Variants in SF3A2 observed in about 807,000 individuals in gnomAD.
SF3A2 encodes SAP 62.
SF3A2 carries 5 observed loss-of-function variants against 31.1 expected under a neutral mutation model. The ratio of observed to expected loss-of-function variants is 0.16; its 90% CI spans 0.08 to 0.34. The LOEUF is 0.34. Among genes scored for constraint, SF3A2 ranks in the 10% least tolerant of loss-of-function variants. The pLI, the probability that SF3A2 is intolerant of heterozygous loss-of-function variation, is 1.00. For synonymous variants in SF3A2, 365 were observed against 263.7 expected (o/e 1.38, Z -3.72); for missense variants, 577 against 643.9 (o/e 0.90, Z 1.13).
At chr19:2,241,327 G>C (rs991851556) in intron 1 of SF3A2, among the ~76,000 whole-genome samples, 1 of 152,166 alleles carries the variant, frequency 6.6e-6, no homozygotes, top group Non-Finnish European at 1.5e-5. Flanking sequence ...GGCTTGGTTC[G>C]GTGCTGAGAT....
chr19:2,243,032 A>G (rs746275383), intron 1 of SF3A2, among the ~76,000 whole-genome samples: 8 of 151,966 alleles, frequency 5.3e-5, no homozygotes, highest in Non-Finnish European at 1.2e-4. Flanking sequence ...CGTTTGTGAG[A>G]TCTTGGTCTT....
At chr19:2,239,868 G>C (rs1277737235) in intron 1 of SF3A2, among the ~76,000 whole-genome samples, 3 of 152,034 alleles carry the variant, frequency 2.0e-5, no homozygotes. Flanking sequence ...AGGGCTTTTT[G>C]TTTTAATTCA....
Position 2,248,140 on chromosome 19 carries a change from AC to A in SF3A2, c.995del (p.Pro332GlnfsTer114), listed in dbSNP as rs771822076. 127 of 1,375,360 alleles carry A rather than the reference AC, an allele frequency of 9.2e-5. No individual in the cohort carries two copies. The highest frequency in any genetic ancestry group is 1.1e-4 in the Non-Finnish European group (109 of 1,012,004). The allele number at this position is 1,375,360 out of a possible 1,614,324, so 85.2% of individuals were successfully genotyped here. A position where few individuals can be genotyped will look rare whatever the true frequency, so the allele number is the denominator to read the frequency against. ...GTCCACCCACCAACCTCTGGGGTCC[AC>A]CCCCCAGCTCCTGGAGTCCACCCTC... The part of the protein sequence containing the change: ...PGVHPPTSGV[H>X]PPAPGVHPPA... On this transcript the variant is annotated frameshift_variant, in exon 9 of 9. Coordinates refer to ENST00000221494, the MANE Select transcript of SF3A2 (RefSeq NM_007165.5). LOFTEE classifies it low-confidence loss of function (END_TRUNC).
intron 7 of SF3A2, chr19:2,247,351 C>T (rs999572356): frequency 5.5e-5 from 32 of 581,842 alleles, no homozygotes; most frequent in Non-Finnish European, 8.8e-5. Context: ...ACAGGGCGGC[C>T]ATCAGGAAAC....
At chr19:2,243,292 C>T (rs1050599459) in intron 1 of SF3A2, 90 bp from the exon 2 acceptor site, 13 of 1,115,058 alleles carry the variant, frequency 1.2e-5, no homozygotes, top group African/African-American at 1.2e-4. Context: ...GGGGCAGTCT[C>T]GAGGGCTCCA....
chr19:2,246,648 C>T lies in SF3A2; in HGVS notation c.356-105C>T, dbSNP rs1368908106. ...AATGGTTGCCAGAGCTGCAGGGCCT[C>T]CCCCGGGGTCCCGCTCTCGTTCAGT... On this transcript the variant is annotated intron_variant, in intron 5 of 8. Transcript: ENST00000221494. This position sits in a 1 kb window ranked among gnomAD's most constrained non-coding sequence, Gnocchi z 5.5. 8 of 1,327,904 alleles carry T rather than the reference C, an allele frequency of 6.0e-6. No homozygotes were observed. Among genetic ancestry groups the T allele is most frequent in the Admixed American group, 6.0e-5 (3 of 50,140 alleles). The allele number at this position is 1,327,904 out of a possible 1,614,324, so 82.3% of individuals were successfully genotyped here. A position where few individuals can be genotyped will look rare whatever the true frequency, so the allele number is the denominator to read the frequency against.
At chr19:2,241,326 C>T (rs540750638) in intron 1 of SF3A2, among the ~76,000 whole-genome samples, 105 of 152,202 alleles carry the variant, frequency 6.9e-4, no homozygotes, top group African/African-American at 2.5e-3. Context: ...GGGCTTGGTT[C>T]GGTGCTGAGA....
intron 1 of SF3A2, among the ~76,000 whole-genome samples, chr19:2,242,446 C>T (rs2024899427): frequency 6.6e-6 from 1 of 152,202 alleles, no homozygotes; most frequent in East Asian, 1.9e-4. Flanking sequence ...GCCTCTCTGA[C>T]TCTCAGCCTC....
intron 1 of SF3A2, among the ~76,000 whole-genome samples, chr19:2,241,691 G>T (rs748859625): frequency 5.3e-5 from 8 of 152,214 alleles, no homozygotes; most frequent in Admixed American, 3.3e-4. Flanking sequence ...CAAGAAGCCC[G>T]AGGCGGGGAG....
At position 2,246,433 on chromosome 19, in the gene SF3A2, G is replaced by A. The variant is rs1028338198; in HGVS notation, c.356-320G>A. On this transcript the variant is annotated intron_variant, in intron 5 of 8. Coordinates refer to ENST00000221494, the MANE Select transcript of SF3A2 (RefSeq NM_007165.5). The surrounding 1 kb of genome is among the most constrained non-coding windows in gnomAD (Gnocchi z 5.5). ...GAATCCCAGAGCCAGGGTGCCGAGG[G>A]CCCCTCCCTACCCAGTGGCCCCAAC... Among the ~76,000 whole-genome samples the A allele has an allele frequency of 6.6e-6, 1 of 152,106 alleles. No homozygotes were observed. The highest frequency in any genetic ancestry group is 1.5e-5 in the Non-Finnish European group (1 of 67,996).
chr19:2,238,757 A>G (rs1208993555), intron 1 of SF3A2, among the ~76,000 whole-genome samples: 1 of 152,170 alleles, frequency 6.6e-6, no homozygotes, highest in Non-Finnish European at 1.5e-5. Flanking sequence ...GCATAGGTTT[A>G]AATAAATTGA....
rs1374209501 is a variant in SF3A2 at position 2,246,867 on chromosome 19, G to T, written c.406-15G>T. On this transcript the variant is annotated splice_polypyrimidine_tract_variant and intron_variant, in intron 6 of 8. Transcript: ENST00000221494. The surrounding 1 kb of genome is among the most constrained non-coding windows in gnomAD (Gnocchi z 5.5). Reference sequence around the variant, plus strand: ...ACCCAAGAGGCGGCTCTGCCACCCGGCCGTGTCCCTGCAGATTGACTACCC... The same window carrying T: ...ACCCAAGAGGCGGCTCTGCCACCCGTCCGTGTCCCTGCAGATTGACTACCC... 1.2e-6 allele frequency: 2 copies of T among 1,612,404 alleles called. No homozygotes were observed. The highest frequency in any genetic ancestry group is 1.3e-5 in the African/African-American group (1 of 74,862).
Position 2,245,572 on chromosome 19 carries a change from C to T in SF3A2, c.355+17C>T, listed in dbSNP as rs773053636. 87 of 1,519,572 alleles carry T rather than the reference C, an allele frequency of 5.7e-5. No individual in the cohort carries two copies. In the Middle Eastern group the frequency reaches 8.4e-4, roughly 15 times the overall value. The allele number at this position is 1,519,572 out of a possible 1,614,324, so 94.1% of individuals were successfully genotyped here. ...GCTACAAAGGTGAGTCTGCCCGCAG[C>T]GGGGCCGGCCACAGCCGCTGCCGTG... is the stretch of plus-strand genomic sequence containing the variant. On this transcript the variant is annotated intron_variant, in intron 5 of 8. Coordinates refer to ENST00000221494, the MANE Select transcript of SF3A2 (RefSeq NM_007165.5). This position sits in a 1 kb window ranked among gnomAD's most constrained non-coding sequence, Gnocchi z 4.2.
Position 2,248,404 on chromosome 19 carries a change from C to A in SF3A2, c.1253C>A (p.Ala418Asp), listed in dbSNP as rs1187043604. The change falls in exon 9 of 9, where the codon GCT becomes GAT. Residue 418 changes from alanine (A) to aspartate (D), a missense_variant. Ala to Asp is a moderately radical substitution (Grantham distance 126). Around this residue, in one of 6 missense-constraint regions of SF3A2, gnomAD observed 462 missense variants for 339.1 expected, o/e 1.36. Coordinates refer to ENST00000221494, the MANE Select transcript of SF3A2 (RefSeq NM_007165.5). ...HPQPPGVHPS[A>D]PGVHPQPPGV... is the part of the protein sequence containing the mutation. Reference sequence around the variant, plus strand: ...CAACCTCCCGGGGTCCATCCGTCGGCTCCTGGGGTCCACCCTCAGCCTCCG... The same window carrying A: ...CAACCTCCCGGGGTCCATCCGTCGGATCCTGGGGTCCACCCTCAGCCTCCG... 7.2e-7 allele frequency: 1 copy of A among 1,383,096 alleles called. No homozygotes were observed. Among genetic ancestry groups the A allele is most frequent in the Admixed American group, 3.4e-5 (1 of 29,646 alleles). 85.7% of individuals were successfully genotyped at this position (1,383,096 alleles called of 1,614,324 possible). A position where few individuals can be genotyped will look rare whatever the true frequency, so the allele number is the denominator to read the frequency against.
intron 1 of SF3A2, among the ~76,000 whole-genome samples, chr19:2,241,388 G>C (rs921326710): frequency 6.6e-6 from 1 of 152,200 alleles, no homozygotes; most frequent in African/African-American, 2.4e-5. Context: ...GTGCGGCTGC[G>C]GCCTGGTGGG....
At chr19:2,241,196 G>C (rs1416473895) in intron 1 of SF3A2, among the ~76,000 whole-genome samples, 1 of 152,172 alleles carries the variant, frequency 6.6e-6, no homozygotes, top group African/African-American at 2.4e-5. Flanking sequence ...GGGAGCGCTT[G>C]ATGACGCCCC....
intron 2 of SF3A2, 64 bp downstream of exon 2, chr19:2,243,608 G>C (rs1465417224): frequency 1.4e-6 from 2 of 1,454,802 alleles, no homozygotes; most frequent in East Asian, 2.8e-5. Flanking sequence ...GCCCTGGAGA[G>C]GGTGCCAGAG....
Position 2,248,370 on chromosome 19 carries a change from G to T in SF3A2, c.1219G>T (p.Val407Phe). The T allele has an allele frequency of 1.4e-6, 2 of 1,381,554 alleles. No homozygotes were observed. Among genetic ancestry groups the T allele is most frequent in the South Asian group, 3.5e-5 (2 of 57,632 alleles). The allele number at this position is 1,381,554 out of a possible 1,614,324, so 85.6% of individuals were successfully genotyped here. ...AGGGATGCACCCTCAGGCCCCGGGG[G>T]TCCACCCCCAACCTCCCGGGGTCCA... ...APGMHPQAPG[V>F]HPQPPGVHPS... Residue 407 changes from valine (V) to phenylalanine (F), a missense_variant, in exon 9 of 9, where the codon GTC (valine) becomes TTC (phenylalanine). This residue lies in a region of SF3A2 where 462 missense variants were observed against 339.1 expected (regional missense o/e 1.36). Coordinates refer to ENST00000221494, the MANE Select transcript of SF3A2 (RefSeq NM_007165.5).
At position 2,247,710 on chromosome 19, in the gene SF3A2, G is replaced by GC. The variant is rs1292327791; in HGVS notation, c.615+51dup. ...GGCTCCTTCCCACCCAGCCCTGGCG[G>GC]CCCTAGCCCTGCCCTAGCCCCACCC... On this transcript the variant is annotated intron_variant, in intron 8 of 8. Transcript: ENST00000221494. 3.1e-6 allele frequency: 5 copies of GC among 1,610,952 alleles called. No individual in the cohort carries two copies. The African/African-American group carries it at 6.7e-5, about 22-fold the overall frequency.
Sources: gnomAD v4.1 joint callset for allele counts (sites outside exome capture counted in the v4.1 genomes callset) on GRCh38, gnomAD v4.1.1 for gene constraint, gnomAD v4.1.1 regional missense constraint, Gnocchi (gnomAD v3.1) non-coding constraint, MANE v1.5 for transcripts, NCBI Gene and HGNC (gene_info 2026-07-23, HGNC 2026-07-21) for gene names.